The following HMGN3 variants were observed in gnomAD, a reference collection of about 807,000 sequenced individuals.
The protein encoded by HMGN3 is high mobility group nucleosomal binding domain 3.
A neutral mutation model predicts 18.8 loss-of-function variants in HMGN3; 6 were observed. The observed-to-expected ratio is 0.32, with a 90% CI of 0.18 to 0.63. The LOEUF (loss-of-function observed/expected upper bound fraction) is 0.63, where lower values mean the gene tolerates loss of function less well. Among genes scored for constraint, HMGN3 ranks in the 30% least tolerant of loss-of-function variants. The probability of loss-of-function intolerance (pLI) is 0.79; values close to 1 mark genes in which losing one functional copy is unlikely to be tolerated. For missense variants in HMGN3, 107 were observed against 114.2 expected (o/e 0.94, Z 0.29); for synonymous variants, 40 against 36.5 (o/e 1.10, Z -0.35).
chr6:79,219,331 A>C (rs1273900444), intron 1 of HMGN3, among the ~76,000 whole-genome samples: 2 of 152,210 alleles, frequency 1.3e-5, no homozygotes, highest in Non-Finnish European at 2.9e-5. Flanking sequence ...CTGCCAACCT[A>C]GAATTCTATA....
intron 3 of HMGN3, among the ~76,000 whole-genome samples, chr6:79,205,175 C>T (rs1776357410): frequency 6.6e-6 from 1 of 152,170 alleles, no homozygotes; most frequent in Admixed American, 6.5e-5. Context: ...CTTTGGTTTT[C>T]ATTTGACTTA....
At chr6:79,234,346 A>G in intron 1 of HMGN3, 200 bp downstream of exon 1, 1 of 492,090 alleles carries the variant, frequency 2.0e-6, no homozygotes, top group East Asian at 2.9e-5. Context: ...AGTAACATTA[A>G]GAGATCGATG....
chr6:79,216,097 T>A (rs1274044047), intron 1 of HMGN3, among the ~76,000 whole-genome samples: 1 of 152,162 alleles, frequency 6.6e-6, no homozygotes, highest in Non-Finnish European at 1.5e-5. Context: ...CACTGTAAAT[T>A]AATATAATCG....
At chr6:79,230,023 T>A (rs1279629290) in intron 1 of HMGN3, among the ~76,000 whole-genome samples, 1 of 152,144 alleles carries the variant, frequency 6.6e-6, no homozygotes, top group African/African-American at 2.4e-5. Flanking sequence ...AATCCAAACC[T>A]GGAACAATCC....
chr6:79,225,873 T>C (rs1777541823), intron 1 of HMGN3, among the ~76,000 whole-genome samples: 1 of 152,192 alleles, frequency 6.6e-6, no homozygotes, highest in African/African-American at 2.4e-5. Flanking sequence ...TAGGGCAGGA[T>C]CACAAATAAT....
chr6:79,224,313 C>A (rs924667273), intron 1 of HMGN3, among the ~76,000 whole-genome samples: 1 of 152,044 alleles, frequency 6.6e-6, no homozygotes, highest in Non-Finnish European at 1.5e-5. Flanking sequence ...AAACTGGGTG[C>A]AGATCTGGGA....
intron 1 of HMGN3, among the ~76,000 whole-genome samples, chr6:79,228,755 T>C (rs1280616096): frequency 6.6e-6 from 1 of 152,176 alleles, no homozygotes; most frequent in East Asian, 1.9e-4. Context: ...TTTGTAGAGA[T>C]GACGTCTCGC....
At chr6:79,202,447 A>G in intron 4 of HMGN3, 58 bp from the exon 5 acceptor site, 2 of 1,316,762 alleles carry the variant, frequency 1.5e-6, no homozygotes, top group South Asian at 2.4e-5. Context: ...GATGATGGCT[A>G]AAATCAATCA....
At chr6:79,207,800 T>C (rs1338684851) in intron 3 of HMGN3, among the ~76,000 whole-genome samples, 1 of 152,162 alleles carries the variant, frequency 6.6e-6, no homozygotes, top group Non-Finnish European at 1.5e-5. Flanking sequence ...ATAGCTAGTA[T>C]GGGGATATAC....
chr6:79,208,506 A>G, intron 3 of HMGN3, 41 bp downstream of exon 3: 1 of 1,495,804 alleles, frequency 6.7e-7, no homozygotes, highest in Non-Finnish European at 9.3e-7. Context: ...GGGAACATGT[A>G]CTCATAAGAA....
intron 1 of HMGN3, among the ~76,000 whole-genome samples, chr6:79,220,121 A>G (rs937772070): frequency 2.6e-5 from 4 of 152,198 alleles, no homozygotes; most frequent in Non-Finnish European, 2.9e-5. Context: ...AAAGGATACT[A>G]TGGTCCTGGT....
At chr6:79,223,653 C>G (rs936899292) in intron 1 of HMGN3, among the ~76,000 whole-genome samples, 2 of 152,076 alleles carry the variant, frequency 1.3e-5, no homozygotes, top group Non-Finnish European at 2.9e-5. Context: ...CTGCACTGCA[C>G]TCTAGCCTGT....
intron 2 of HMGN3, among the ~76,000 whole-genome samples, 161 bp from the exon 3 acceptor site, chr6:79,208,737 C>A (rs1185318855): frequency 6.6e-6 from 1 of 152,130 alleles, no homozygotes; most frequent in African/African-American, 2.4e-5. Context: ...TATCCCAAGT[C>A]CCCTGGGCAC....
At chr6:79,213,141 G>T (rs1205277717) in intron 2 of HMGN3, among the ~76,000 whole-genome samples, 1 of 152,056 alleles carries the variant, frequency 6.6e-6, no homozygotes, top group Non-Finnish European at 1.5e-5. Flanking sequence ...CTTGGAGGCT[G>T]AGATGGGAGA....
At chr6:79,209,492 A>G (rs976671373) in intron 2 of HMGN3, among the ~76,000 whole-genome samples, 5 of 152,218 alleles carry the variant, frequency 3.3e-5, no homozygotes, top group Admixed American at 6.5e-5. Flanking sequence ...TCACTGCTCC[A>G]TCTCCAGTAC....
chr6:79,223,266 C>T (rs1777393951), intron 1 of HMGN3, among the ~76,000 whole-genome samples: 1 of 152,120 alleles, frequency 6.6e-6, no homozygotes, highest in Admixed American at 6.6e-5. Flanking sequence ...AATCTTAGCA[C>T]TTTGGGAGGT....
chr6:79,233,709 A>C (rs1777978015), intron 1 of HMGN3: 2 of 152,316 alleles, frequency 1.3e-5, no homozygotes, highest in East Asian at 3.9e-4. Context: ...AGAAGAGGAC[A>C]GTCCGCAAGG....
chr6:79,226,268 C>T (rs912371736), intron 1 of HMGN3, among the ~76,000 whole-genome samples: 6 of 152,206 alleles, frequency 3.9e-5, no homozygotes, highest in African/African-American at 1.4e-4. Flanking sequence ...AGCCAGACTT[C>T]AGGAGTGAAA....
intron 1 of HMGN3, among the ~76,000 whole-genome samples, chr6:79,227,338 T>G (rs1777611308): frequency 6.6e-6 from 1 of 152,224 alleles, no homozygotes; most frequent in Non-Finnish European, 1.5e-5. Flanking sequence ...ACACTCCATT[T>G]GTTATTTGGT....
Sources: gnomAD v4.1 joint callset for allele counts (sites outside exome capture counted in the v4.1 genomes callset) on GRCh38, gnomAD v4.1.1 for gene constraint, MANE v1.5 for transcripts, NCBI Gene and HGNC (gene_info 2026-07-23, HGNC 2026-07-21) for gene names.